Variants in FOXN2 observed in about 807,000 individuals in gnomAD.
The protein encoded by FOXN2 is forkhead box N2, also known as forkhead box protein N2.
In FOXN2, 19 loss-of-function variants were observed where a neutral mutation model predicts 41.2. That is an observed-to-expected ratio of 0.46 (90% CI 0.32 to 0.68). The LOEUF is 0.68. Ranked by LOEUF, FOXN2 falls within the 30% of genes least tolerant of loss-of-function variation. FOXN2 has a pLI of 0.03. For synonymous variants in FOXN2, 195 were observed against 176.8 expected (o/e 1.10, Z -0.82); for missense variants, 587 against 509.4 (o/e 1.15, Z -1.47).
At chr2:48,317,595 CTTTTTTTTT>C (rs574980247) in intron 1 of FOXN2, among the ~76,000 whole-genome samples, 157 of 34,746 alleles carry the variant, frequency 4.5e-3, no homozygotes, top group Non-Finnish European at 5.1e-3. Flanking sequence ...TATAGTATTG[CTTTTTTTTT>C]TTTTTTTTTT....
chr2:48,367,834 A>T (rs983791856), intron 5 of FOXN2, among the ~76,000 whole-genome samples: 11 of 152,088 alleles, frequency 7.2e-5, no homozygotes, highest in Non-Finnish European at 1.2e-4. Context: ...CAAGTTTTTT[A>T]AATTGTTGTT....
At chr2:48,360,618 A>G (rs1254064760) in intron 4 of FOXN2, among the ~76,000 whole-genome samples, 2 of 152,172 alleles carry the variant, frequency 1.3e-5, no homozygotes, top group East Asian at 1.9e-4. Flanking sequence ...TGAGTGGTTT[A>G]TCTTTATGAA....
At chr2:48,323,090 G>A (rs1338157286) in intron 1 of FOXN2, among the ~76,000 whole-genome samples, 3 of 151,948 alleles carry the variant, frequency 2.0e-5, no homozygotes, top group Admixed American at 6.6e-5. Flanking sequence ...TCCCCAAAGT[G>A]TAGGGATTGG....
intron 6 of FOXN2, 103 bp from the exon 7 acceptor site, chr2:48,374,817 A>G (rs1294011447): frequency 1.1e-6 from 1 of 939,710 alleles, no homozygotes; most frequent in Non-Finnish European, 1.6e-6. Flanking sequence ...AGCATCATGA[A>G]TCTAAAACAT....
intron 5 of FOXN2, among the ~76,000 whole-genome samples, chr2:48,363,124 A>G (rs146430278): frequency 1.3e-5 from 2 of 152,298 alleles, no homozygotes; most frequent in African/African-American, 4.8e-5. Context: ...CAGTAAGATG[A>G]CAGCTCTCTG....
intron 1 of FOXN2, among the ~76,000 whole-genome samples, chr2:48,328,073 T>C (rs1389095665): frequency 6.6e-6 from 1 of 152,224 alleles, no homozygotes; most frequent in East Asian, 1.9e-4. Context: ...TGGCTATAGG[T>C]GATATACTGC....
chr2:48,343,782 GCCT>G (rs1363725906), intron 2 of FOXN2, among the ~76,000 whole-genome samples: 1 of 151,162 alleles, frequency 6.6e-6, no homozygotes, highest in African/African-American at 2.4e-5. Flanking sequence ...AAAGACTCTT[GCCT>G]CCTCATGGAA....
intron 3 of FOXN2, among the ~76,000 whole-genome samples, chr2:48,351,838 A>G (rs142872984): frequency 3.5e-4 from 54 of 152,282 alleles, no homozygotes; most frequent in Non-Finnish European, 5.7e-4. Context: ...AGATTTGGGA[A>G]ATTTTTATGG....
At chr2:48,361,727 A>C (rs998402951) in intron 4 of FOXN2, among the ~76,000 whole-genome samples, 11 of 152,296 alleles carry the variant, frequency 7.2e-5, no homozygotes, top group African/African-American at 2.6e-4. Flanking sequence ...TCATGCTATC[A>C]TAAATTCCAA....
chr2:48,365,269 T>C (rs1228574307), intron 5 of FOXN2, among the ~76,000 whole-genome samples: 1 of 152,222 alleles, frequency 6.6e-6, no homozygotes, highest in East Asian at 1.9e-4. Flanking sequence ...AGAAGTTAAA[T>C]GGATAGGGGA....
upstream of FOXN2, among the ~76,000 whole-genome samples, chr2:48,314,090 C>T (rs910355121): frequency 1.3e-5 from 2 of 152,236 alleles, no homozygotes; most frequent in Admixed American, 6.5e-5. Context: ...AGTAACACTA[C>T]TTTAAGTTAC....
At chr2:48,340,070 C>A (rs1395632765) in intron 2 of FOXN2, among the ~76,000 whole-genome samples, 1 of 152,150 alleles carries the variant, frequency 6.6e-6, no homozygotes, top group African/African-American at 2.4e-5. Context: ...AGGATTCTAA[C>A]ATCTGGGAAA....
At chr2:48,321,517 C>T in intron 1 of FOXN2, among the ~76,000 whole-genome samples, 1 of 151,918 alleles carries the variant, frequency 6.6e-6, no homozygotes, top group Middle Eastern at 3.4e-3. Context: ...GCCTGGGCGA[C>T]AGAGCAACAC....
rs1313522712 is a variant in FOXN2, at chr2:48,321,232, G to C, written c.-157+6418G>C. On this transcript the variant is annotated intron_variant, in intron 1 of 6. Transcript: ENST00000340553. ...GAATTGGGGTGGGAAATTTTGACCA[G>C]CTTTTATTAAAAAACAATCTAGGCT... Among the ~76,000 whole-genome samples, 5 of 152,212 alleles carry C rather than the reference G, an allele frequency of 3.3e-5. No homozygotes were observed. In the East Asian group the frequency reaches 7.7e-4, roughly 23 times the overall value.
intron 2 of FOXN2, among the ~76,000 whole-genome samples, chr2:48,340,084 A>G (rs1401058941): frequency 6.6e-6 from 1 of 152,240 alleles, no homozygotes; most frequent in African/African-American, 2.4e-5. Flanking sequence ...TGGGAAAAGT[A>G]TAAAGAAAAA....
At position 48,366,047 on chromosome 2, in the gene FOXN2, G is replaced by C. The variant is rs112470430; in HGVS notation, c.703+3340G>C. Among the ~76,000 whole-genome samples, 23 of 152,134 alleles carry C rather than the reference G, an allele frequency of 1.5e-4. 1 individual carries two copies. The highest frequency in any genetic ancestry group is 5.3e-4 in the African/African-American group (22 of 41,512). ...GGGATATGCATAGATGAGAGACCCA[G>C]GCCCTGCTCTTAGAAAATATATACT... On this transcript the variant is annotated intron_variant, in intron 5 of 6. Coordinates refer to ENST00000340553, the MANE Select transcript of FOXN2 (RefSeq NM_002158.4).
chr2:48,337,706 T>C (rs1323240439), intron 2 of FOXN2, among the ~76,000 whole-genome samples: 1 of 152,184 alleles, frequency 6.6e-6, no homozygotes, highest in Non-Finnish European at 1.5e-5. Flanking sequence ...AGAAAGCTAG[T>C]ATATAATTTC....
chr2:48,362,645 GTTCT>G lies in FOXN2; in HGVS notation c.644_647del (p.Ser215TyrfsTer6). Reference sequence around the variant, plus strand: ...TTGCTTTTCTGTTTGTTTTTCAGTGGTTCTTTATCACCTCACTATTTAAGCTCTG... The same window carrying G: ...TTGCTTTTCTGTTTGTTTTTCAGTGGTTATCACCTCACTATTTAAGCTCTG... On this transcript the variant is annotated frameshift_variant, in exon 5 of 7. Coordinates refer to ENST00000340553, the MANE Select transcript of FOXN2 (RefSeq NM_002158.4). LOFTEE classifies it high-confidence loss of function. The G allele has an allele frequency of 6.2e-7, 1 of 1,613,344 alleles. No homozygotes were observed. Among genetic ancestry groups the G allele is most frequent in the Non-Finnish European group, 8.5e-7 (1 of 1,179,664 alleles).
intron 4 of FOXN2, 76 bp downstream of exon 4, chr2:48,359,223 A>G: frequency 1.0e-6 from 1 of 981,788 alleles, no homozygotes; most frequent in Non-Finnish European, 1.6e-6. Flanking sequence ...TTAAAGGTCC[A>G]GGGTATTATG....
Sources: gnomAD v4.1 joint callset for allele counts (sites outside exome capture counted in the v4.1 genomes callset) on GRCh38, gnomAD v4.1.1 for gene constraint, MANE v1.5 for transcripts, NCBI Gene and HGNC (gene_info 2026-07-23, HGNC 2026-07-21) for gene names.